The following CCNK variants were observed in gnomAD, a reference collection of about 807,000 sequenced individuals.
CCNK encodes the protein cyclin K, also known as cyclin-K.
Under a neutral mutation model 65.0 loss-of-function variants are expected in CCNK, and 9 were observed. That is an observed-to-expected ratio of 0.14 (90% CI 0.08 to 0.24). The LOEUF is 0.24. Among genes scored for constraint, CCNK ranks in the 10% least tolerant of loss-of-function variants. CCNK has a pLI of 1.00. For missense variants in CCNK, 474 were observed against 720.0 expected (o/e 0.66, Z 3.91); for synonymous variants, 279 against 270.8 (o/e 1.03, Z -0.30).
intron 1 of CCNK, among the ~76,000 whole-genome samples, chr14:99,489,002 G>A (rs1595305552): frequency 6.6e-6 from 1 of 151,744 alleles, no homozygotes. Context: ...TCCCAGGCAG[G>A]CTCCAACCCC....
rs1304131376 is a variant in CCNK at position 99,492,723 on chromosome 14, A to G, written c.46A>G (p.Asn16Asp). 2 of 1,611,956 alleles carry G rather than the reference A, an allele frequency of 1.2e-6. No individual in the cohort carries two copies. The highest frequency in any genetic ancestry group is 2.2e-5 in the East Asian group (1 of 44,858). ...ENSSPSVTSA[N>D]LDHTKPCWYW... ...TTCAAGCCCTTCAGTAACTTCAGCA[A>G]ACCTGGACCACACAAAGCCATGTTG... Residue 16 changes from asparagine (N) to aspartate (D), a missense_variant, in exon 2 of 11, where the codon AAC becomes GAC. By Grantham distance (23) the Asn-to-Asp change is conservative. Around this residue, in one of 6 missense-constraint regions of CCNK, gnomAD observed 87 missense variants for 166.2 expected, o/e 0.52. Transcript: ENST00000389879.
chr14:99,485,822 A>G (rs1341363434), intron 1 of CCNK, among the ~76,000 whole-genome samples: 1 of 152,166 alleles, frequency 6.6e-6, no homozygotes, highest in African/African-American at 2.4e-5. Flanking sequence ...ACTGCATTCC[A>G]GCCTGGATGA....
At chr14:99,490,787 G>A (rs981400083) in intron 1 of CCNK, among the ~76,000 whole-genome samples, 3 of 152,036 alleles carry the variant, frequency 2.0e-5, no homozygotes, top group African/African-American at 7.2e-5. Context: ...AATTAGCCAG[G>A]CGTGGTGGCG....
intron 2 of CCNK, chr14:99,493,176 G>T: frequency 2.3e-6 from 1 of 436,180 alleles, no homozygotes; most frequent in Non-Finnish European, 4.0e-6. Flanking sequence ...GCCTAGACAG[G>T]AGCATCCCTT....
chr14:99,498,247 C>T (rs916872124), intron 4 of CCNK, among the ~76,000 whole-genome samples: 3 of 152,172 alleles, frequency 2.0e-5, no homozygotes, highest in Non-Finnish European at 4.4e-5. Flanking sequence ...AGTCCAGGAA[C>T]AGTGAAAGTA....
chr14:99,485,270 G>A (rs779669559), intron 1 of CCNK, among the ~76,000 whole-genome samples: 3 of 152,168 alleles, frequency 2.0e-5, no homozygotes, highest in Non-Finnish European at 4.4e-5. Flanking sequence ...GTGGACCGAG[G>A]TTCTTTTCCA....
intron 3 of CCNK, 76 bp downstream of exon 3, chr14:99,493,671 C>T (rs1896641447): frequency 2.2e-6 from 2 of 927,602 alleles, no homozygotes. Context: ...TAATTATAAG[C>T]TCTATTTTTC....
rs759607767 is a variant in CCNK at position 99,507,121 on chromosome 14, C to T, written c.1091C>T (p.Pro364Leu). 2.0e-5 allele frequency: 32 copies of T among 1,611,456 alleles called. No homozygotes were observed. The highest frequency in any genetic ancestry group is 3.3e-4 in the Middle Eastern group (2 of 6,082). Residue 364 changes from proline (P) to leucine (L), a missense_variant, in exon 10 of 11, where the codon CCG becomes CTG. Physicochemically the swap from Pro to Leu is moderately conservative, Grantham distance 98. Coordinates refer to ENST00000389879, the MANE Select transcript of CCNK (RefSeq NM_001099402.2). ...CCCAAAATTGAGACCACTCATCCAC[C>T]GTTGCCTCCAGCCCACCCACCTCCA... The part of the protein sequence containing the change: ...KIPKIETTHP[P>L]LPPAHPPPDR...
chr14:99,490,947 A>T (rs1896584981), intron 1 of CCNK, among the ~76,000 whole-genome samples: 1 of 150,560 alleles, frequency 6.6e-6, no homozygotes, highest in African/African-American at 2.4e-5. Context: ...AAAAAAAAAG[A>T]GATGTCTGTT....
chr14:99,510,104 A>T, intron 10 of CCNK, 53 bp from the exon 11 acceptor site: 2 of 1,538,442 alleles, frequency 1.3e-6, no homozygotes, highest in South Asian at 2.5e-5. Flanking sequence ...GAGGCACTGA[A>T]AAAGCAACCA....
intron 3 of CCNK, among the ~76,000 whole-genome samples, 192 bp downstream of exon 3, chr14:99,493,787 C>G (rs1238309486): frequency 2.0e-5 from 3 of 152,120 alleles, no homozygotes; most frequent in Non-Finnish European, 4.4e-5. Flanking sequence ...AATCTTTTCA[C>G]TTAGGCCAAT....
chr14:99,481,537 G>C (rs1298597206), intron 1 of CCNK, 58 bp downstream of exon 1: 2 of 398,532 alleles, frequency 5.0e-6, no homozygotes, highest in Non-Finnish European at 8.8e-6. Context: ...CTGGAGGTCG[G>C]AGTAGGTTAT....
At chr14:99,503,570 C>T (rs1298432647) in intron 8 of CCNK, 41 bp from the exon 9 acceptor site, 2 of 1,530,448 alleles carry the variant, frequency 1.3e-6, no homozygotes, top group African/African-American at 2.8e-5. Flanking sequence ...TCATCATACT[C>T]AGGATCCCAG....
intron 10 of CCNK, chr14:99,509,585 G>C (rs186817536): frequency 8.4e-5 from 13 of 155,238 alleles, no homozygotes; most frequent in Non-Finnish European, 1.7e-4. Flanking sequence ...CTCTCAAGGA[G>C]GCTGCTATCT....
chr14:99,512,428 GAAAAA>G lies in CCNK; in HGVS notation c.*1654_*1658del, dbSNP rs376791507. On this transcript the variant is annotated 3_prime_UTR_variant, in exon 11 of 11. Transcript: ENST00000389879. ...TCTGCAGTCATGCATTTAGTTTTAA[GAAAAA>G]AAAAAAATCAGTAGTATGTATCTTG... 2 of 134,504 alleles carry G rather than the reference GAAAAA, an allele frequency of 1.5e-5. No individual in the cohort carries two copies. Among genetic ancestry groups the G allele is most frequent in the African/African-American group, 2.7e-5 (1 of 37,292 alleles). The allele number at this position is 134,504 out of a possible 1,614,324, so 8.3% of individuals were successfully genotyped here.
intron 1 of CCNK, among the ~76,000 whole-genome samples, chr14:99,484,486 A>G (rs970550916): frequency 4.6e-5 from 7 of 152,262 alleles, no homozygotes; most frequent in African/African-American, 1.7e-4. Flanking sequence ...TAGAGAAGAG[A>G]ATGTAAAAAT....
At chr14:99,487,185 T>C (rs1441283804) in intron 1 of CCNK, among the ~76,000 whole-genome samples, 1 of 152,260 alleles carries the variant, frequency 6.6e-6, no homozygotes, top group Non-Finnish European at 1.5e-5. Context: ...TATATGTACA[T>C]GTTTAACACT....
At chr14:99,500,722 C>A in intron 4 of CCNK, 44 bp from the exon 5 acceptor site, 1 of 1,230,210 alleles carries the variant, frequency 8.1e-7, no homozygotes, top group Non-Finnish European at 1.2e-6. Context: ...TGCTTGAGAC[C>A]TGCAATTGTA....
chr14:99,504,040 C>T, intron 9 of CCNK: 1 of 369,366 alleles, frequency 2.7e-6, no homozygotes, highest in Non-Finnish European at 5.3e-6. Flanking sequence ...GCTGCCCGGA[C>T]AGCACCAGCC....
Sources: allele counts gnomAD v4.1 joint callset (sites outside exome capture counted in the v4.1 genomes callset), GRCh38; gene constraint gnomAD v4.1.1; regional missense constraint gnomAD v4.1.1; transcripts MANE v1.5; gene names NCBI Gene and HGNC (gene_info 2026-07-23, HGNC 2026-07-21).